The following PSPC1 variants were observed in gnomAD, a reference collection of about 807,000 sequenced individuals.
PSPC1 encodes the protein paraspeckle component 1.
In PSPC1, 14 loss-of-function variants were observed where a neutral mutation model predicts 51.6. That is an observed-to-expected ratio of 0.27 (90% CI 0.18 to 0.42). The LOEUF (loss-of-function observed/expected upper bound fraction) is 0.42, where lower values mean the gene tolerates loss of function less well. PSPC1 is among the 10% of genes least tolerant of loss of function. The pLI is 1.00. For missense variants in PSPC1, 406 were observed against 701.1 expected (o/e 0.58, Z 4.75); for synonymous variants, 193 against 231.9 (o/e 0.83, Z 1.53).
chr13:19,751,193 C>G, intron 4 of PSPC1, 78 bp downstream of exon 4: 1 of 1,176,154 alleles, frequency 8.5e-7, no homozygotes, highest in Non-Finnish European at 1.1e-6. Context: ...TGGCACTTTA[C>G]ACAGTAGTAC....
intron 6 of PSPC1, among the ~76,000 whole-genome samples, chr13:19,686,401 G>A (rs1014441336): frequency 1.3e-5 from 2 of 152,076 alleles, no homozygotes; most frequent in African/African-American, 4.8e-5. Flanking sequence ...CAGTAGCAGG[G>A]GGTCAATTAG....
At chr13:19,730,954 A>AC (rs1883992202) in intron 5 of PSPC1, among the ~76,000 whole-genome samples, 1 of 45,946 alleles carries the variant, frequency 2.2e-5, no homozygotes, top group African/African-American at 5.1e-5. Context: ...CAGAAAAAAA[A>AC]AACAAAAAAA....
At chr13:19,742,002 C>G (rs1276871242) in intron 4 of PSPC1, among the ~76,000 whole-genome samples, 1 of 151,902 alleles carries the variant, frequency 6.6e-6, no homozygotes, top group African/African-American at 2.4e-5. Flanking sequence ...CATGGTGGCG[C>G]GCGCCTGTAG....
intron 1 of PSPC1, among the ~76,000 whole-genome samples, chr13:19,773,905 G>A (rs988029225): frequency 1.2e-4 from 18 of 152,084 alleles, no homozygotes; most frequent in African/African-American, 3.4e-4. Context: ...CAGTCCTCTC[G>A]CCTTAGCCTC....
chr13:19,747,235 A>C (rs1309673625), intron 4 of PSPC1, among the ~76,000 whole-genome samples: 2 of 152,242 alleles, frequency 1.3e-5, no homozygotes, highest in South Asian at 2.1e-4. Context: ...AACTAAACTA[A>C]TTGTACCCAT....
intron 6 of PSPC1, among the ~76,000 whole-genome samples, chr13:19,691,560 A>G (rs1878549533): frequency 1.3e-5 from 2 of 152,034 alleles, no homozygotes; most frequent in South Asian, 2.1e-4. Context: ...AAATAAATAT[A>G]CTGATAAAAT....
intron 5 of PSPC1, among the ~76,000 whole-genome samples, chr13:19,735,966 G>A (rs942504322): frequency 6.6e-6 from 1 of 151,900 alleles, no homozygotes; most frequent in East Asian, 1.9e-4. Context: ...GACTACAGGC[G>A]CCCGCCACCA....
downstream of PSPC1, chr13:19,673,324 G>A (rs566188150): frequency 2.7e-5 from 8 of 298,828 alleles, no homozygotes; most frequent in African/African-American, 6.5e-5. Flanking sequence ...TATGAAATAC[G>A]ATTTTAATGA....
At chr13:19,694,178 T>TAC (rs373687009) in intron 6 of PSPC1, among the ~76,000 whole-genome samples, 1,192 of 118,718 alleles carry the variant, frequency 0.01, 18 homozygotes, top group African/African-American at 0.03. Context: ...CATACACACA[T>TAC]ACACACACAC....
chr13:19,774,555 T>C (rs1315572801), intron 1 of PSPC1, among the ~76,000 whole-genome samples: 4 of 152,068 alleles, frequency 2.6e-5, no homozygotes, highest in Non-Finnish European at 5.9e-5. Flanking sequence ...ATCCCAGCAC[T>C]TTGGGAGGCT....
chr13:19,777,362 G>A (rs576663795), intron 1 of PSPC1, among the ~76,000 whole-genome samples: 1 of 149,226 alleles, frequency 6.7e-6, no homozygotes, highest in African/African-American at 2.5e-5. Context: ...TCCAGGAGGC[G>A]GGGGTTGCAG....
intron 2 of PSPC1, among the ~76,000 whole-genome samples, chr13:19,761,559 G>A (rs1017970273): frequency 6.6e-6 from 1 of 152,064 alleles, no homozygotes; most frequent in African/African-American, 2.4e-5. Context: ...CTAAATGTAA[G>A]AAAAGATACA....
intron 5 of PSPC1, among the ~76,000 whole-genome samples, chr13:19,730,961 A>AAAAAAAAAAC (rs1441202332): frequency 4.5e-3 from 106 of 23,558 alleles, no homozygotes; most frequent in Non-Finnish European, 0.013. Context: ...AAAAAACAAA[A>AAAAAAAAAAC]AAACAAAAAA....
At chr13:19,778,224 G>T (rs1889385599) in intron 1 of PSPC1, among the ~76,000 whole-genome samples, 1 of 151,060 alleles carries the variant, frequency 6.6e-6, no homozygotes, top group South Asian at 2.1e-4. Flanking sequence ...CGTGGTGACA[G>T]AGCAAGATTC....
intron 1 of PSPC1, among the ~76,000 whole-genome samples, chr13:19,780,390 G>T (rs1889819942): frequency 1.1e-5 from 1 of 87,068 alleles, no homozygotes; most frequent in African/African-American, 3.4e-5. Flanking sequence ...GTGGGGAAAA[G>T]ATTGAGAAAT....
chr13:19,703,508 A>C, intron 8 of PSPC1, 148 bp from the exon 9 acceptor site: 1 of 706,906 alleles, frequency 1.4e-6, no homozygotes, highest in Non-Finnish European at 2.2e-6. Flanking sequence ...ACATAGAAGG[A>C]AGAAAGGAGC....
At chr13:19,773,527 C>T (rs745679528) in intron 1 of PSPC1, among the ~76,000 whole-genome samples, 13 of 152,016 alleles carry the variant, frequency 8.6e-5, no homozygotes, top group Admixed American at 2.0e-4. Context: ...CGTGAGCCAC[C>T]GCACCCGGCC....
Position 19,705,793 on chromosome 13 carries a change from G to C in PSPC1, c.1255C>G (p.Pro419Ala), listed in dbSNP as rs762581069. The C allele has an allele frequency of 6.2e-7, 1 of 1,613,198 alleles. No individual in the cohort carries two copies. The highest frequency in any genetic ancestry group is 8.5e-7 in the Non-Finnish European group (1 of 1,179,448). ...TTCATATTCATACCCATCATTGGAG[G>C]AGGACCTTGGTTACCAGCAGGGGCT... ...SPAPAGNQGP[P>A]PMMGMNMNNR... Residue 419 changes from proline (P) to alanine (A), a missense_variant, in exon 8 of 9, where the codon CCT becomes GCT. Physicochemically the swap from Pro to Ala is conservative, Grantham distance 27 (BLOSUM62 -1). Transcript: ENST00000338910.
chr13:19,681,394 T>C (rs1381369020), intron 6 of PSPC1, among the ~76,000 whole-genome samples: 4 of 151,704 alleles, frequency 2.6e-5, no homozygotes, highest in African/African-American at 9.7e-5. Flanking sequence ...TTATATATTA[T>C]GTAATATATA....
Sources: gnomAD v4.1 joint callset for allele counts (sites outside exome capture counted in the v4.1 genomes callset) on GRCh38, gnomAD v4.1.1 for gene constraint, MANE v1.5 for transcripts, NCBI Gene and HGNC (gene_info 2026-07-23, HGNC 2026-07-21) for gene names.